RALGAPA2: variants seen among roughly 807,000 people sequenced by gnomAD.
RALGAPA2 encodes ral GTPase-activating protein subunit alpha-2.
A neutral mutation model predicts 230.4 loss-of-function variants in RALGAPA2; 139 were observed. That is an observed-to-expected ratio of 0.60 (90% CI 0.53 to 0.69). RALGAPA2 has a LOEUF of 0.69. Among genes scored for constraint, RALGAPA2 ranks in the 30% least tolerant of loss-of-function variants. The pLI is 0.00. For missense variants in RALGAPA2, 2,163 were observed against 2,276.0 expected (o/e 0.95, Z 1.01); for synonymous variants, 847 against 837.8 (o/e 1.01, Z -0.19).
At chr20:20,648,536 A>G (rs796567740) in intron 4 of RALGAPA2, among the ~76,000 whole-genome samples, 2 of 150,358 alleles carry the variant, frequency 1.3e-5, no homozygotes, top group Non-Finnish European at 3.0e-5. Context: ...CCCCATAAAT[A>G]TTTTTTTTTT....
intron 18 of RALGAPA2, among the ~76,000 whole-genome samples, chr20:20,587,950 G>C (rs1026572659): frequency 6.6e-6 from 1 of 152,012 alleles, no homozygotes; most frequent in African/African-American, 2.4e-5. Context: ...TCACTCAGTT[G>C]ACCAATAAAA....
chr20:20,407,872 G>A (rs756946412), intron 38 of RALGAPA2, among the ~76,000 whole-genome samples: 1 of 152,212 alleles, frequency 6.6e-6, no homozygotes, highest in Non-Finnish European at 1.5e-5. Flanking sequence ...TCCTAAGACC[G>A]ACTCAGACTA....
At chr20:20,431,191 C>G (rs1412265939) in intron 37 of RALGAPA2, among the ~76,000 whole-genome samples, 1 of 152,138 alleles carries the variant, frequency 6.6e-6, no homozygotes, top group Non-Finnish European at 1.5e-5. Context: ...CCCAAGAAGC[C>G]ATGCCCAGAG....
intron 23 of RALGAPA2, among the ~76,000 whole-genome samples, chr20:20,552,120 T>C (rs1309035955): frequency 2.6e-5 from 4 of 152,172 alleles, no homozygotes; most frequent in Non-Finnish European, 4.4e-5. Context: ...GTTCAAGAAG[T>C]AGCCATCCTC....
At chr20:20,514,548 G>A (rs2062814188) in intron 31 of RALGAPA2, among the ~76,000 whole-genome samples, 1 of 152,032 alleles carries the variant, frequency 6.6e-6, no homozygotes, top group African/African-American at 2.4e-5. Flanking sequence ...GGCCTGAGCT[G>A]CCCCACCCTT....
chr20:20,513,444 G>C (rs963753458), intron 31 of RALGAPA2, among the ~76,000 whole-genome samples, 160 bp from the exon 32 acceptor site: 1 of 152,114 alleles, frequency 6.6e-6, no homozygotes, highest in African/African-American at 2.4e-5. Flanking sequence ...AGTGCAAAAA[G>C]ATCAACTCTC....
chr20:20,538,220 T>C (rs2063549224), intron 24 of RALGAPA2, among the ~76,000 whole-genome samples: 1 of 152,082 alleles, frequency 6.6e-6, no homozygotes, highest in Non-Finnish European at 1.5e-5. Context: ...CACAGGTAAA[T>C]AAAAGGCAAT....
chr20:20,614,170 G>C (rs1296131540), intron 13 of RALGAPA2, among the ~76,000 whole-genome samples: 1 of 152,064 alleles, frequency 6.6e-6, no homozygotes, highest in Non-Finnish European at 1.5e-5. Flanking sequence ...ATCCATTACA[G>C]AAACTGCTCA....
intron 24 of RALGAPA2, 79 bp downstream of exon 24, chr20:20,546,625 T>A: frequency 6.7e-7 from 1 of 1,485,090 alleles, no homozygotes; most frequent in Non-Finnish European, 9.0e-7. Flanking sequence ...CAACACCTGT[T>A]AAGAGTGGAG....
At chr20:20,396,674 C>T in intron 39 of RALGAPA2, 21 bp downstream of exon 39, 1 of 1,600,786 alleles carries the variant, frequency 6.2e-7, no homozygotes, top group South Asian at 1.1e-5. Flanking sequence ...CTGGACAAAT[C>T]CACTGAAGTG....
At chr20:20,666,224 T>C (rs2067953264) in intron 3 of RALGAPA2, among the ~76,000 whole-genome samples, 1 of 152,232 alleles carries the variant, frequency 6.6e-6, no homozygotes, top group Admixed American at 6.5e-5. Flanking sequence ...CTTTGTCAGC[T>C]CAGTTCTTTT....
At position 20,497,641 on chromosome 20, in the gene RALGAPA2, G is replaced by A. The variant is rs770658678; in HGVS notation, c.5209-2366C>T. On this transcript the variant is annotated intron_variant, in intron 35 of 39. Transcript: ENST00000202677. Reference sequence around the variant, plus strand: ...ACTGTGAGGTAATACCGTGATTATTGAAGTTTTGTAGTTACTTTCCCATTT... The same window carrying A: ...ACTGTGAGGTAATACCGTGATTATTAAAGTTTTGTAGTTACTTTCCCATTT... Among the ~76,000 whole-genome samples the A allele has an allele frequency of 2.1e-4, 32 of 152,186 alleles. 1 individual carries two copies. The highest frequency in any genetic ancestry group is 5.9e-5 in the Non-Finnish European group (4 of 68,042).
intron 36 of RALGAPA2, among the ~76,000 whole-genome samples, chr20:20,492,206 G>T (rs976372229): frequency 6.6e-6 from 1 of 151,160 alleles, no homozygotes; most frequent in Admixed American, 6.6e-5. Context: ...TACTGATGAG[G>T]TTTTTTTTTC....
chr20:20,447,586 C>T (rs1245941156), intron 37 of RALGAPA2, among the ~76,000 whole-genome samples: 1 of 151,722 alleles, frequency 6.6e-6, no homozygotes, highest in Non-Finnish European at 1.5e-5. Context: ...CACATATTCT[C>T]TATGCTTTGT....
intron 27 of RALGAPA2, among the ~76,000 whole-genome samples, chr20:20,528,457 C>T (rs1401402053): frequency 5.9e-5 from 9 of 151,980 alleles, no homozygotes; most frequent in South Asian, 2.1e-4. Flanking sequence ...GTGGGACGGA[C>T]GATGGGTATT....
intron 35 of RALGAPA2, among the ~76,000 whole-genome samples, chr20:20,500,562 T>C (rs1263199453): frequency 6.6e-6 from 1 of 152,258 alleles, no homozygotes; most frequent in Non-Finnish European, 1.5e-5. Context: ...CTAGTTCTCT[T>C]GCTATTTCTG....
In RALGAPA2 at chr20:20,635,298, A is replaced by G. The variant is rs573854887; in HGVS notation, c.1005+120T>C. 2.3e-4 allele frequency: 248 copies of G among 1,067,336 alleles called. 1 individual carries two copies. The African/African-American group carries it at 3.8e-3, about 16-fold the overall frequency. 66.1% of individuals were successfully genotyped at this position (1,067,336 alleles called of 1,614,324 possible). A position where few individuals can be genotyped will look rare whatever the true frequency, so the allele number is the denominator to read the frequency against. On this transcript the variant is annotated intron_variant, in intron 9 of 39. Transcript: ENST00000202677. ...ACAGACAGGGTAGGCCAATAAAATC[A>G]CTTACCTATAACCAACAACTTGTAA...
At position 20,551,702 on chromosome 20, in the gene RALGAPA2, GA is replaced by G. The variant is rs200682480; in HGVS notation, c.3157-4871del. 7.3e-3 allele frequency among the ~76,000 whole-genome samples: 1,111 copies of G among 152,260 alleles called. 11 individuals carry two copies. The highest frequency in any genetic ancestry group is 0.026 in the African/African-American group (1,066 of 41,540). ...TTGAATGCTATGTACACAGTAACTGGAAAAACCATAAGTGATAAGAAAAACA... is the reference window on the plus strand; with the variant it reads ...TTGAATGCTATGTACACAGTAACTGGAAAACCATAAGTGATAAGAAAAACA... On this transcript the variant is annotated intron_variant, in intron 23 of 39. Coordinates refer to ENST00000202677, the MANE Select transcript of RALGAPA2 (RefSeq NM_020343.4).
intron 3 of RALGAPA2, among the ~76,000 whole-genome samples, chr20:20,673,109 C>T (rs532983963): frequency 1.1e-4 from 16 of 151,636 alleles, no homozygotes; most frequent in South Asian, 1.0e-3. Context: ...GGCATGAACC[C>T]GGGAGGCGGA....
Sources: allele counts gnomAD v4.1 joint callset (sites outside exome capture counted in the v4.1 genomes callset), GRCh38; gene constraint gnomAD v4.1.1; transcripts MANE v1.5; gene names NCBI Gene and HGNC (gene_info 2026-07-23, HGNC 2026-07-21).